The following EIF4ENIF1 variants were observed in gnomAD, a reference collection of about 807,000 sequenced individuals.
EIF4ENIF1 encodes the protein eukaryotic translation initiation factor 4E transporter.
A neutral mutation model predicts 110.5 loss-of-function variants in EIF4ENIF1; 23 were observed. The ratio of observed to expected loss-of-function variants is 0.21; its 90% CI spans 0.15 to 0.29. The LOEUF (loss-of-function observed/expected upper bound fraction) is 0.29, where lower values mean the gene tolerates loss of function less well. EIF4ENIF1 is among the 10% of genes least tolerant of loss of function. EIF4ENIF1 has a pLI of 1.00. For missense variants in EIF4ENIF1, 1,031 were observed against 1,221.1 expected, an observed-to-expected ratio of 0.84 and a Z score of 2.32; for synonymous variants, 440 against 437.0, an observed-to-expected ratio of 1.01 and a Z score of -0.09.
chr22:31,471,010 C>T (rs1255235712), intron 3 of EIF4ENIF1, among the ~76,000 whole-genome samples: 2 of 147,680 alleles, frequency 1.4e-5, no homozygotes, highest in East Asian at 3.9e-4. Flanking sequence ...GAAACTCTGT[C>T]TCGGACAAAA....
chr22:31,439,781 T>G lies in EIF4ENIF1; in HGVS notation c.*99A>C. ...TTCCACCAAACAGCTTCACACAGAG[T>G]GCTCCAAAGTAAAAGCCCATAAACC... On this transcript the variant is annotated 3_prime_UTR_variant, in exon 19 of 19. Transcript: ENST00000330125. The G allele has an allele frequency of 6.6e-7, 1 of 1,509,544 alleles. No individual in the cohort carries two copies. The highest frequency in any genetic ancestry group is 2.3e-5 in the East Asian group (1 of 43,822). 93.5% of individuals were successfully genotyped at this position (1,509,544 alleles called of 1,614,324 possible).
chr22:31,440,909 T>C (rs1211162027), intron 17 of EIF4ENIF1, 41 bp from the exon 18 acceptor site: 4 of 1,609,202 alleles, frequency 2.5e-6, no homozygotes, highest in Non-Finnish European at 3.4e-6. Context: ...AGTCTTAATG[T>C]TACCTGGAAG....
At chr22:31,437,450 T>TCCCCCCCCCCCCCCC (rs368145036), downstream of EIF4ENIF1, 9 of 125,000 alleles carry the variant, frequency 7.2e-5, no homozygotes, top group Admixed American at 1.7e-4. Flanking sequence ...TTTGCCTTCA[T>TCCCCCCCCCCCCCCC]CCCCCCCCCA....
At chr22:31,469,317 A>G (rs1330580539) in intron 3 of EIF4ENIF1, among the ~76,000 whole-genome samples, 1 of 152,192 alleles carries the variant, frequency 6.6e-6, no homozygotes, top group Non-Finnish European at 1.5e-5. Flanking sequence ...CGTACTTCAC[A>G]CTTGTCCTTT....
intron 2 of EIF4ENIF1, among the ~76,000 whole-genome samples, chr22:31,487,646 C>T (rs781763020): frequency 2.6e-4 from 39 of 151,968 alleles, no homozygotes; most frequent in South Asian, 1.0e-3. Context: ...AAAAATTAGC[C>T]GAGCGTACTG....
At chr22:31,455,707 A>G in intron 8 of EIF4ENIF1, 145 bp downstream of exon 8, 1 of 1,128,776 alleles carries the variant, frequency 8.9e-7, no homozygotes, top group Non-Finnish European at 1.3e-6. Context: ...CCCTTCAACA[A>G]TATTAAAAGG....
At chr22:31,455,490 C>T (rs1160997378) in intron 8 of EIF4ENIF1, among the ~76,000 whole-genome samples, 175 bp from the exon 9 acceptor site, 5 of 151,668 alleles carry the variant, frequency 3.3e-5, no homozygotes, top group Non-Finnish European at 5.9e-5. Context: ...CCTCCGCCTG[C>T]CAGTTTCAAG....
intron 2 of EIF4ENIF1, among the ~76,000 whole-genome samples, chr22:31,487,406 T>C (rs2052073974): frequency 6.6e-6 from 1 of 152,224 alleles, no homozygotes; most frequent in Middle Eastern, 3.4e-3. Context: ...CTTTATCAAG[T>C]AGGTAAGAGT....
chr22:31,476,670 G>A (rs1374027875), intron 2 of EIF4ENIF1, among the ~76,000 whole-genome samples: 2 of 152,004 alleles, frequency 1.3e-5, no homozygotes, highest in African/African-American at 2.4e-5. Flanking sequence ...CAAGGCGGGT[G>A]GATCACTTAA....
chr22:31,457,681 A>T (rs1290347581), intron 7 of EIF4ENIF1, among the ~76,000 whole-genome samples: 4 of 152,326 alleles, frequency 2.6e-5, no homozygotes, highest in African/African-American at 9.6e-5. Context: ...AAATTAAGCC[A>T]CAATATACTT....
intron 6 of EIF4ENIF1, among the ~76,000 whole-genome samples, chr22:31,459,147 T>TA (rs1240478946): frequency 1.3e-5 from 2 of 152,032 alleles, no homozygotes; most frequent in African/African-American, 4.8e-5. Context: ...AGCCTGGACT[T>TA]AAACTGCTGA....
At chr22:31,492,337 T>C (rs2052292974), upstream of EIF4ENIF1, among the ~76,000 whole-genome samples, 1 of 152,180 alleles carries the variant, frequency 6.6e-6, no homozygotes, top group South Asian at 2.1e-4. Flanking sequence ...ACTCCACCTC[T>C]ATGTGGGAGG....
intron 2 of EIF4ENIF1, among the ~76,000 whole-genome samples, chr22:31,481,802 T>C (rs2051825865): frequency 6.6e-6 from 1 of 152,196 alleles, no homozygotes; most frequent in Admixed American, 6.5e-5. Flanking sequence ...CAAATTAGGA[T>C]GGCCTCCCTT....
chr22:31,440,116 G>GCTT lies in EIF4ENIF1; in HGVS notation c.2721_2722insAAG (p.Leu907_His908insLys), dbSNP rs2050246743. ...GCATGGGAACCAGAGCCTGGAGGAT[G>GCTT]CAGAACTGTGGAGATAAGAAGGGTT... On this transcript the variant is annotated inframe_insertion, in exon 19 of 19. Coordinates refer to ENST00000330125, the MANE Select transcript of EIF4ENIF1 (RefSeq NM_019843.4). 1 of 1,614,190 alleles carries GCTT rather than the reference G, an allele frequency of 6.2e-7. No individual in the cohort carries two copies.
chr22:31,442,639 C>T (rs998061625), intron 16 of EIF4ENIF1, among the ~76,000 whole-genome samples: 6 of 152,128 alleles, frequency 3.9e-5, no homozygotes, highest in African/African-American at 7.2e-5. Context: ...AAGTAAAACT[C>T]GCTGAATTAT....
At chr22:31,444,391 A>C (rs1053478481) in intron 15 of EIF4ENIF1, 6 of 501,994 alleles carry the variant, frequency 1.2e-5, no homozygotes, top group African/African-American at 1.2e-4. Flanking sequence ...CTCTGCTGGA[A>C]CATATTTTCC....
intron 14 of EIF4ENIF1, among the ~76,000 whole-genome samples, chr22:31,445,955 C>T (rs566369600): frequency 7.4e-6 from 1 of 135,484 alleles, no homozygotes; most frequent in Non-Finnish European, 1.6e-5. Flanking sequence ...TACGTACCGC[C>T]CCCCCCCCCC....
chr22:31,487,802 A>G (rs1256516720), intron 2 of EIF4ENIF1, among the ~76,000 whole-genome samples: 1 of 151,694 alleles, frequency 6.6e-6, no homozygotes, highest in Non-Finnish European at 1.5e-5. Flanking sequence ...GCAAAAAAAA[A>G]AAAAAAAAAA....
chr22:31,458,814 C>T (rs769186761), intron 6 of EIF4ENIF1, among the ~76,000 whole-genome samples, 164 bp from the exon 7 acceptor site: 7 of 151,876 alleles, frequency 4.6e-5, no homozygotes, highest in East Asian at 1.9e-4. Flanking sequence ...CCCCCTTCTA[C>T]GGGAGGCAGA....
Sources: allele counts gnomAD v4.1 joint callset (sites outside exome capture counted in the v4.1 genomes callset), GRCh38; gene constraint gnomAD v4.1.1; transcripts MANE v1.5; gene names NCBI Gene and HGNC (gene_info 2026-07-23, HGNC 2026-07-21).